Variants in PHF3 observed in about 807,000 individuals in gnomAD.
PHF3 encodes the protein PHD finger protein 3.
PHF3 carries 41 observed loss-of-function variants against 178.4 expected under a neutral mutation model. That is an observed-to-expected ratio of 0.23 (90% CI 0.18 to 0.30). The LOEUF (loss-of-function observed/expected upper bound fraction) is 0.30. Ranked by LOEUF, PHF3 falls within the 10% of genes least tolerant of loss-of-function variation. The pLI is 1.00. For missense variants in PHF3, 2,346 were observed against 2,398.1 expected (o/e 0.98, Z 0.45); for synonymous variants, 842 against 800.5 (o/e 1.05, Z -0.88).
chr6:63,721,696 T>G lies in PHF3; in HGVS notation c.*7988T>G. The stretch of plus-strand genomic sequence containing the variant: ...TTTATTATATGCCAAGTACTTCCGT[T>G]TATAGTTACTTTTTGGAGAGTTTCT... On this transcript the variant is annotated 3_prime_UTR_variant, in exon 16 of 16. Transcript: ENST00000262043. The G allele has an allele frequency of 1.3e-6, 2 of 1,551,406 alleles. No homozygotes were observed. The highest frequency in any genetic ancestry group is 1.4e-5 in the African/African-American group (1 of 73,144).
intron 14 of PHF3, among the ~76,000 whole-genome samples, chr6:63,710,822 G>GAT (rs1767893623): frequency 6.6e-6 from 1 of 152,094 alleles, no homozygotes; most frequent in Admixed American, 6.6e-5. Flanking sequence ...TGGAAATCAG[G>GAT]ATATAGTGTA....
At chr6:63,682,171 A>C (rs1159269218) in intron 3 of PHF3, among the ~76,000 whole-genome samples, 1 of 152,108 alleles carries the variant, frequency 6.6e-6, no homozygotes, top group Non-Finnish European at 1.5e-5. Flanking sequence ...GCTCAGGACT[A>C]GGGAAGGGCA....
intron 2 of PHF3, among the ~76,000 whole-genome samples, chr6:63,677,730 T>A (rs1217779661): frequency 6.6e-6 from 1 of 152,158 alleles, no homozygotes; most frequent in Admixed American, 6.5e-5. Context: ...ATAATGAAGG[T>A]TAAAAAACAA....
At chr6:63,678,961 A>G (rs1193801623) in intron 2 of PHF3, 1 of 320,156 alleles carries the variant, frequency 3.1e-6, no homozygotes, top group African/African-American at 2.2e-5. Context: ...TAGTGCTCTA[A>G]AGTTTACAGA....
intron 6 of PHF3, 99 bp downstream of exon 6, chr6:63,694,863 T>C: frequency 1.5e-6 from 1 of 670,090 alleles, no homozygotes; most frequent in Non-Finnish European, 2.1e-6. Context: ...AAATTTAACA[T>C]TATTAAATGT....
In PHF3 at chr6:63,719,604, T is replaced by A. The variant is rs1018357075; in HGVS notation, c.*5896T>A. On this transcript the variant is annotated 3_prime_UTR_variant, in exon 16 of 16. Coordinates refer to ENST00000262043, the MANE Select transcript of PHF3 (RefSeq NM_001370348.2). The stretch of plus-strand genomic sequence containing the variant: ...TTCTGTTCACAATTGTATCAGTAAC[T>A]GTTTTGGGAAAAATAATATTTTTTC... Among the ~76,000 whole-genome samples, 25 of 152,104 alleles carry A rather than the reference T, an allele frequency of 1.6e-4. No individual in the cohort carries two copies. Among genetic ancestry groups the A allele is most frequent in the African/African-American group, 6.0e-4 (25 of 41,454 alleles).
Position 63,705,841 on chromosome 6 carries a change from A to C in PHF3, c.3368-188A>C, listed in dbSNP as rs188585017. Among the ~76,000 whole-genome samples the C allele has an allele frequency of 1.4e-3, 206 of 152,292 alleles. 2 individuals carry two copies. The highest frequency in any genetic ancestry group is 4.3e-3 in the African/African-American group (180 of 41,554). ...GCTGGCAGTGGGGAGAACACTAGTG[A>C]ATTTTCTGCTGATTCTTAAATGTGG... On this transcript the variant is annotated intron_variant, in intron 11 of 15. Coordinates refer to ENST00000262043, the MANE Select transcript of PHF3 (RefSeq NM_001370348.2).
chr6:63,667,084 A>G (rs976535240), intron 2 of PHF3, among the ~76,000 whole-genome samples: 2 of 151,990 alleles, frequency 1.3e-5, no homozygotes, highest in Non-Finnish European at 2.9e-5. Flanking sequence ...GGCTCAAGCA[A>G]TCCTCCTACC....
chr6:63,667,128 A>C (rs1456029560), intron 2 of PHF3, among the ~76,000 whole-genome samples: 5 of 152,128 alleles, frequency 3.3e-5, no homozygotes, highest in Non-Finnish European at 5.9e-5. Flanking sequence ...TACAGATATG[A>C]GTACCATACT....
chr6:63,673,459 G>T (rs554074513), intron 2 of PHF3, among the ~76,000 whole-genome samples: 8 of 151,588 alleles, frequency 5.3e-5, no homozygotes, highest in Non-Finnish European at 1.0e-4. Context: ...GTTTCTTCTC[G>T]TCCTTCTCCA....
chr6:63,640,156 C>G (rs1764512408), intron 1 of PHF3, among the ~76,000 whole-genome samples: 1 of 152,202 alleles, frequency 6.6e-6, no homozygotes, highest in South Asian at 2.1e-4. Context: ...GAAACTGAAC[C>G]AGATTTGAAG....
In PHF3 at chr6:63,713,350, A is replaced by G. The variant is rs777773827; in HGVS notation, c.5762A>G (p.Gln1921Arg). The G allele has an allele frequency of 2.3e-5, 37 of 1,613,934 alleles. No individual in the cohort carries two copies. The highest frequency in any genetic ancestry group is 2.0e-4 in the South Asian group (18 of 91,082). The change falls in exon 16 of 16, where the codon CAG (glutamine) becomes CGG (arginine). Residue 1921 changes from glutamine (Q) to arginine (R), a missense_variant. This residue lies in a region of PHF3 where 839 missense variants were observed against 806.9 expected (regional missense o/e 1.04). Transcript: ENST00000262043. ...RPFNRGKGDR[Q>R]RFYSDSHHLK... is the part of the protein sequence containing the mutation. ...TTTAATAGGGGTAAAGGGGACCGCC[A>G]GAGATTTTATAGTGATTCACACCAT...
chr6:63,681,321 T>TC (rs796151373), intron 3 of PHF3, among the ~76,000 whole-genome samples: 17 of 152,072 alleles, frequency 1.1e-4, no homozygotes, highest in African/African-American at 3.9e-4. Flanking sequence ...CTCAAGACAC[T>TC]CAGTAGATCC....
In PHF3 at chr6:63,716,092, C is replaced by G. The variant is rs1000239438; in HGVS notation, c.*2384C>G. 3.3e-5 allele frequency among the ~76,000 whole-genome samples: 5 copies of G among 152,120 alleles called. 1 individual carries two copies. The highest frequency in any genetic ancestry group is 6.6e-5 in the Admixed American group (1 of 15,260). On this transcript the variant is annotated 3_prime_UTR_variant, in exon 16 of 16. Transcript: ENST00000262043. ...GTAATCTTTGTGGCAATCAGAAAGCCTCCTTGAGCCCTCTGTAAGGCATCC... is the reference window on the plus strand; with the variant it reads ...GTAATCTTTGTGGCAATCAGAAAGCGTCCTTGAGCCCTCTGTAAGGCATCC...
Position 63,716,746 on chromosome 6 carries a change from A to G in PHF3, c.*3038A>G, listed in dbSNP as rs1329414021. Among the ~76,000 whole-genome samples the G allele has an allele frequency of 6.6e-6, 1 of 151,734 alleles. No homozygotes were observed. The highest frequency in any genetic ancestry group is 1.5e-5 in the Non-Finnish European group (1 of 67,914). ...TCCTTGGCTCATGATCCCTTCCTCC[A>G]TATTTGAAGCCAGCAGTGTGGGACC... is the stretch of plus-strand genomic sequence containing the variant. On this transcript the variant is annotated 3_prime_UTR_variant, in exon 16 of 16. Transcript: ENST00000262043.
Position 63,714,629 on chromosome 6 carries a change from G to T in PHF3, c.*921G>T, listed in dbSNP as rs61606312. On this transcript the variant is annotated 3_prime_UTR_variant, in exon 16 of 16. Coordinates refer to ENST00000262043, the MANE Select transcript of PHF3 (RefSeq NM_001370348.2). ...TTTAAAATCTTAAATTGTAGGCTGAGATGAATTGTGTAGTTCTAAAGAGGC... is the reference window on the plus strand; with the variant it reads ...TTTAAAATCTTAAATTGTAGGCTGATATGAATTGTGTAGTTCTAAAGAGGC... 6.6e-6 allele frequency: 1 copy of T among 152,276 alleles called. No homozygotes were observed. Among genetic ancestry groups the T allele is most frequent in the African/African-American group, 2.4e-5 (1 of 41,530 alleles). The allele number at this position is 152,276 out of a possible 1,614,324, so 9.4% of individuals were successfully genotyped here.
chr6:63,682,061 C>A (rs1179196558), intron 3 of PHF3, among the ~76,000 whole-genome samples: 1 of 152,092 alleles, frequency 6.6e-6, no homozygotes, highest in Non-Finnish European at 1.5e-5. Flanking sequence ...CTTAATCTTA[C>A]AAATTTCAAT....
Position 63,698,365 on chromosome 6 carries a change from G to A in PHF3, c.2823G>A (p.Lys941=). Reference sequence around the variant, plus strand: ...ATTCTCTCAAAGACATTCTTATGAAGAGGTAACATATATTTTTATTATAGA... The same window carrying A: ...ATTCTCTCAAAGACATTCTTATGAAAAGGTAACATATATTTTTATTATAGA... ...VRHSLKDILM[K]RLTDSNLKVP... Residue 941 remains lysine (K), a splice_region_variant and synonymous_variant, in exon 7 of 16, where the codon AAG becomes AAA. Transcript: ENST00000262043. 1 of 1,605,266 alleles carries A rather than the reference G, an allele frequency of 6.2e-7. No individual in the cohort carries two copies. Among genetic ancestry groups the A allele is most frequent in the African/African-American group, 1.3e-5 (1 of 74,810 alleles).
chr6:63,707,200 C>G (rs1426768678), intron 13 of PHF3, among the ~76,000 whole-genome samples: 1 of 152,156 alleles, frequency 6.6e-6, no homozygotes, highest in Non-Finnish European at 1.5e-5. Context: ...GATTTACATA[C>G]TTTTGGTCTT....
Sources: allele counts gnomAD v4.1 joint callset (sites outside exome capture counted in the v4.1 genomes callset), GRCh38; gene constraint gnomAD v4.1.1; regional missense constraint gnomAD v4.1.1; transcripts MANE v1.5; gene names NCBI Gene and HGNC (gene_info 2026-07-23, HGNC 2026-07-21).